The following PBX3 variants were observed in gnomAD, a reference collection of about 807,000 sequenced individuals.
The protein encoded by PBX3 is pre-B-cell leukemia transcription factor 3.
Under a neutral mutation model 48.5 loss-of-function variants are expected in PBX3, and 14 were observed. That is an observed-to-expected ratio of 0.29 (90% CI 0.19 to 0.45). The LOEUF (loss-of-function observed/expected upper bound fraction) is 0.45, where lower values mean the gene tolerates loss of function less well. Ranked by LOEUF, PBX3 falls within the 20% of genes least tolerant of loss-of-function variation. The pLI is 1.00. For missense variants in PBX3, 386 were observed against 546.7 expected (o/e 0.71, Z 2.93); for synonymous variants, 210 against 200.3 (o/e 1.05, Z -0.41).
At chr9:125,767,968 C>A (rs892531281) in intron 2 of PBX3, among the ~76,000 whole-genome samples, 1 of 150,430 alleles carries the variant, frequency 6.6e-6, no homozygotes, top group East Asian at 1.9e-4. Context: ...GGCTGGCGGC[C>A]GGTGGGACGG....
intron 2 of PBX3, among the ~76,000 whole-genome samples, chr9:125,811,922 G>A (rs1052490771): frequency 2.6e-5 from 4 of 152,308 alleles, no homozygotes; most frequent in African/African-American, 7.2e-5. Context: ...CATTGTGGTA[G>A]TATTAAGGGG....
intron 5 of PBX3, among the ~76,000 whole-genome samples, chr9:125,945,104 G>A (rs929384755): frequency 6.6e-6 from 1 of 152,056 alleles, no homozygotes; most frequent in Admixed American, 6.6e-5. Context: ...CATGCCGGTG[G>A]TTCTAGCTAC....
intron 2 of PBX3, among the ~76,000 whole-genome samples, chr9:125,869,377 A>T (rs969641669): frequency 6.6e-6 from 1 of 152,250 alleles, no homozygotes; most frequent in African/African-American, 2.4e-5. Context: ...AGCTGAGAAT[A>T]TGTCAGAATT....
intron 2 of PBX3, among the ~76,000 whole-genome samples, chr9:125,849,986 C>T (rs1483482857): frequency 1.3e-5 from 2 of 151,872 alleles, no homozygotes; most frequent in African/African-American, 4.8e-5. Context: ...GTACTTTGTG[C>T]AGTAATGTAT....
At chr9:125,937,582 T>G (rs925570987) in intron 5 of PBX3, among the ~76,000 whole-genome samples, 41 of 152,222 alleles carry the variant, frequency 2.7e-4, no homozygotes, top group African/African-American at 9.9e-4. Flanking sequence ...GTTATGCTTA[T>G]AAATTAATGG....
At chr9:125,794,073 G>A (rs1005041468) in intron 2 of PBX3, among the ~76,000 whole-genome samples, 2 of 152,120 alleles carry the variant, frequency 1.3e-5, no homozygotes, top group Non-Finnish European at 2.9e-5. Flanking sequence ...ACAAAAGCCT[G>A]ATAAACTGAA....
chr9:125,834,778 G>A (rs1011812905), intron 2 of PBX3, among the ~76,000 whole-genome samples: 4 of 150,556 alleles, frequency 2.7e-5, no homozygotes, highest in African/African-American at 7.3e-5. Context: ...CACTTTGGGA[G>A]GCTGAGGTGG....
intron 2 of PBX3, among the ~76,000 whole-genome samples, chr9:125,842,962 G>A (rs1839326588): frequency 6.6e-6 from 1 of 152,042 alleles, no homozygotes; most frequent in African/African-American, 2.4e-5. Context: ...TTTTATGTCA[G>A]TTCTAGCTTT....
At chr9:125,949,478 G>T in intron 5 of PBX3, 1 of 1,550,244 alleles carries the variant, frequency 6.5e-7, no homozygotes. Flanking sequence ...ATGAGCCAGG[G>T]AGGGGCATGA....
At chr9:125,781,587 G>GA (rs1486244503) in intron 2 of PBX3, among the ~76,000 whole-genome samples, 1 of 148,720 alleles carries the variant, frequency 6.7e-6, no homozygotes, top group East Asian at 2.1e-4. Flanking sequence ...GGGGAGAGGC[G>GA]AGAGGCGAGA....
At chr9:125,849,582 A>G (rs1458464593) in intron 2 of PBX3, among the ~76,000 whole-genome samples, 1 of 151,948 alleles carries the variant, frequency 6.6e-6, no homozygotes, top group African/African-American at 2.4e-5. Flanking sequence ...TCATTTTAGC[A>G]TTTCTGAAAT....
chr9:125,889,591 C>A (rs1311115618), intron 2 of PBX3, among the ~76,000 whole-genome samples: 1 of 152,158 alleles, frequency 6.6e-6, no homozygotes, highest in African/African-American at 2.4e-5. Context: ...GATTTTCCAC[C>A]CCTGTTGTGA....
intron 2 of PBX3, among the ~76,000 whole-genome samples, chr9:125,809,195 T>C (rs1292012960): frequency 6.6e-6 from 1 of 152,226 alleles, no homozygotes; most frequent in Non-Finnish European, 1.5e-5. Context: ...ATGTGGGTGT[T>C]GGGCAAATCA....
At chr9:125,796,585 G>A (rs1195653519) in intron 2 of PBX3, among the ~76,000 whole-genome samples, 1 of 152,132 alleles carries the variant, frequency 6.6e-6, no homozygotes, top group African/African-American at 2.4e-5. Flanking sequence ...CAGTAGGGAG[G>A]CTGTAAGGTC....
At chr9:125,841,172 G>A (rs1322289661) in intron 2 of PBX3, among the ~76,000 whole-genome samples, 1 of 152,102 alleles carries the variant, frequency 6.6e-6, no homozygotes, top group Non-Finnish European at 1.5e-5. Context: ...AATTGTCTAA[G>A]TCACCTAGTT....
chr9:125,849,694 GAA>G (rs991832247), intron 2 of PBX3, among the ~76,000 whole-genome samples: 5 of 151,806 alleles, frequency 3.3e-5, no homozygotes, highest in Non-Finnish European at 4.4e-5. Flanking sequence ...TAGATTTGAT[GAA>G]ATATAATTAT....
chr9:125,959,580 A>C (rs943176601), intron 5 of PBX3, among the ~76,000 whole-genome samples: 2 of 152,202 alleles, frequency 1.3e-5, no homozygotes, highest in Non-Finnish European at 2.9e-5. Context: ...ATGGTCAAAA[A>C]GGGTGCCCAC....
intron 2 of PBX3, among the ~76,000 whole-genome samples, chr9:125,871,503 C>A (rs931508714): frequency 6.6e-6 from 1 of 151,970 alleles, no homozygotes; most frequent in Admixed American, 6.6e-5. Context: ...CTTCCACATT[C>A]AAGAACATAA....
chr9:125,824,703 A>G (rs905339183), intron 2 of PBX3, among the ~76,000 whole-genome samples: 1 of 148,506 alleles, frequency 6.7e-6, no homozygotes, highest in Non-Finnish European at 1.5e-5. Flanking sequence ...TTGATGAATC[A>G]GTTGGCTTTT....
Sources: gnomAD v4.1 joint callset for allele counts (sites outside exome capture counted in the v4.1 genomes callset) on GRCh38, gnomAD v4.1.1 for gene constraint, MANE v1.5 for transcripts, NCBI Gene and HGNC (gene_info 2026-07-23, HGNC 2026-07-21) for gene names.